Variants in GOSR1 observed in about 807,000 individuals in gnomAD.
GOSR1 encodes 28 kDa Golgi SNARE protein.
Under a neutral mutation model 35.5 loss-of-function variants are expected in GOSR1, and 21 were observed. That is an observed-to-expected ratio of 0.59 (90% CI 0.42 to 0.85). The LOEUF (loss-of-function observed/expected upper bound fraction) is 0.85, where lower values mean the gene tolerates loss of function less well. Among genes scored for constraint, GOSR1 ranks in the 40% least tolerant of loss-of-function variants. GOSR1 has a pLI of 0.00. For missense variants in GOSR1, 285 were observed against 309.6 expected (o/e 0.92, Z 0.60); for synonymous variants, 94 against 106.6 (o/e 0.88, Z 0.73).
rs541174428 is a variant in GOSR1, at chr17:30,512,036, A to G, written c.539+1127A>G. Among the ~76,000 whole-genome samples, 3 of 152,360 alleles carry G rather than the reference A, an allele frequency of 2.0e-5. No individual in the cohort carries two copies. The South Asian group carries it at 6.2e-4, about 32-fold the overall frequency. Reference sequence around the variant, plus strand: ...TCAGATCCTGATTCAGTCTTAGTCCAACTCTAGAAACAGAGCTCTATTTAA... The same window carrying G: ...TCAGATCCTGATTCAGTCTTAGTCCGACTCTAGAAACAGAGCTCTATTTAA... On this transcript the variant is annotated intron_variant, in intron 7 of 8. Coordinates refer to ENST00000451249, the MANE Select transcript of GOSR1 (RefSeq NM_001007025.2).
At chr17:30,499,563 G>A (rs1393411002) in intron 6 of GOSR1, among the ~76,000 whole-genome samples, 2 of 152,136 alleles carry the variant, frequency 1.3e-5, no homozygotes, top group Admixed American at 1.3e-4. Flanking sequence ...GGATGGTCTT[G>A]ATCTCCTGAC....
chr17:30,500,488 T>C (rs1314709621), intron 6 of GOSR1, among the ~76,000 whole-genome samples: 1 of 152,252 alleles, frequency 6.6e-6, no homozygotes, highest in Admixed American at 6.5e-5. Flanking sequence ...AAAGACTCTT[T>C]TCCTCTGTTT....
intron 7 of GOSR1, among the ~76,000 whole-genome samples, chr17:30,518,071 A>G (rs1164612747): frequency 6.6e-6 from 1 of 152,164 alleles, no homozygotes; most frequent in Non-Finnish European, 1.5e-5. Context: ...GGCTGCATGT[A>G]GCAGTCCTTT....
intron 7 of GOSR1, among the ~76,000 whole-genome samples, chr17:30,514,745 T>C (rs752089267): frequency 3.3e-5 from 5 of 152,214 alleles, no homozygotes; most frequent in Non-Finnish European, 7.3e-5. Flanking sequence ...AGGTTATGTG[T>C]TGGGCCTTCT....
chr17:30,484,135 T>C, intron 2 of GOSR1, 79 bp from the exon 3 acceptor site: 1 of 780,674 alleles, frequency 1.3e-6, no homozygotes, highest in Non-Finnish European at 2.3e-6. Context: ...ATGGCTCCTA[T>C]TAATCACCTT....
intron 6 of GOSR1, among the ~76,000 whole-genome samples, chr17:30,505,606 A>G (rs1433411999): frequency 1.3e-5 from 2 of 152,120 alleles, no homozygotes; most frequent in African/African-American, 4.8e-5. Context: ...AGTATTTTAG[A>G]TGTTTTCATT....
chr17:30,480,666 C>G (rs575381714), intron 1 of GOSR1, among the ~76,000 whole-genome samples: 2 of 150,954 alleles, frequency 1.3e-5, no homozygotes, highest in African/African-American at 4.9e-5. Context: ...TTATAAGTGA[C>G]TAATCTGCTT....
chr17:30,522,010 T>C (rs547136160), intron 8 of GOSR1, among the ~76,000 whole-genome samples: 1 of 152,146 alleles, frequency 6.6e-6, no homozygotes, highest in African/African-American at 2.4e-5. Context: ...TCCCTCTCTC[T>C]CTATTACTAT....
chr17:30,511,729 T>C (rs1181028165), intron 7 of GOSR1, among the ~76,000 whole-genome samples: 1 of 151,980 alleles, frequency 6.6e-6, no homozygotes, highest in East Asian at 1.9e-4. Context: ...CAGGGTTTCA[T>C]CATGTTGGCC....
At chr17:30,522,083 G>A (rs1040592960) in intron 8 of GOSR1, among the ~76,000 whole-genome samples, 171 bp from the exon 9 acceptor site, 20 of 152,202 alleles carry the variant, frequency 1.3e-4, no homozygotes, top group Non-Finnish European at 2.9e-4. Flanking sequence ...GAGCCGCAGC[G>A]CGTTCCCGGT....
In GOSR1 at chr17:30,522,972, CGCCT is replaced by C. The variant is rs1394510191; in HGVS notation, c.*596_*599del. ...CTGCAATTGCAGGCGAGCGCCGCCA[CGCCT>C]GACTGCCTCGGCCTCCCGAGGTGCC... On this transcript the variant is annotated 3_prime_UTR_variant, in exon 9 of 9. Transcript: ENST00000451249. 1.5e-4 allele frequency: 31 copies of C among 211,342 alleles called. No individual in the cohort carries two copies. The highest frequency in any genetic ancestry group is 3.6e-4 in the Admixed American group (6 of 16,452). 13.1% of individuals were successfully genotyped at this position (211,342 alleles called of 1,614,324 possible).
rs1232467115 is a variant in GOSR1, at chr17:30,524,918, T to A, written c.*2540T>A. 2.0e-5 allele frequency: 3 copies of A among 152,234 alleles called. No homozygotes were observed. Among genetic ancestry groups the A allele is most frequent in the Non-Finnish European group, 4.4e-5 (3 of 68,044 alleles). The allele number at this position is 152,234 out of a possible 1,614,324, so 9.4% of individuals were successfully genotyped here. A position where few individuals can be genotyped will look rare whatever the true frequency, so the allele number is the denominator to read the frequency against. On this transcript the variant is annotated 3_prime_UTR_variant, in exon 9 of 9. Transcript: ENST00000451249. ...GAATGGTTTCACTGTTGAGGGTGCATGTGGCAGAATCTGTCTCTCTCTGCA... is the reference window on the plus strand; with the variant it reads ...GAATGGTTTCACTGTTGAGGGTGCAAGTGGCAGAATCTGTCTCTCTCTGCA...
At chr17:30,484,394 AATT>A in intron 3 of GOSR1, 93 bp downstream of exon 3, 4 of 819,658 alleles carry the variant, frequency 4.9e-6, no homozygotes, top group Non-Finnish European at 8.7e-6. Flanking sequence ...TGTTTATTGA[AATT>A]ATCCATTCCA....
intron 4 of GOSR1, among the ~76,000 whole-genome samples, chr17:30,488,973 A>G (rs1597766648): frequency 6.6e-6 from 1 of 152,214 alleles, no homozygotes; most frequent in Non-Finnish European, 1.5e-5. Flanking sequence ...CTTTTTCCTA[A>G]TATGGAAAGA....
rs370736848 is a variant in GOSR1, at chr17:30,516,469, C to CAAAAAAAAAAA, written c.540-3467_540-3466insAAAAAAAAAAA. Among the ~76,000 whole-genome samples, 3 of 111,226 alleles carry CAAAAAAAAAAA rather than the reference C, an allele frequency of 2.7e-5. 1 individual carries two copies. The highest frequency in any genetic ancestry group is 5.3e-5 in the Non-Finnish European group (3 of 56,946). The allele number at this position is 111,226 out of a possible 152,430, so 73.0% of individuals were successfully genotyped here. ...TGGGTGACAGAGCAAGACTCCGTCTCAAACAAAAAAAAAGAAAAAGAAAAA... is the reference window on the plus strand; with the variant it reads ...TGGGTGACAGAGCAAGACTCCGTCTCAAAAAAAAAAAAAACAAAAAAAAAGAAAAAGAAAAA... On this transcript the variant is annotated intron_variant, in intron 7 of 8. Transcript: ENST00000451249.
At chr17:30,519,876 G>C in intron 7 of GOSR1, 63 bp from the exon 8 acceptor site, 2 of 960,092 alleles carry the variant, frequency 2.1e-6, no homozygotes, top group Non-Finnish European at 1.7e-6. Flanking sequence ...ACTTTTAAAG[G>C]CATGATGGTT....
intron 1 of GOSR1, 178 bp downstream of exon 1, chr17:30,477,642 G>C (rs1275837001): frequency 5.1e-6 from 5 of 984,748 alleles, no homozygotes; most frequent in Non-Finnish European, 6.0e-6. Context: ...TCTGGGGTAG[G>C]GGTCTGGCCT....
At chr17:30,492,053 T>C (rs1373998719) in intron 5 of GOSR1, among the ~76,000 whole-genome samples, 1 of 151,968 alleles carries the variant, frequency 6.6e-6, no homozygotes, top group African/African-American at 2.4e-5. Flanking sequence ...CCAGTCTGGG[T>C]AACAAAGTAA....
At chr17:30,513,552 A>C (rs1440932436) in intron 7 of GOSR1, among the ~76,000 whole-genome samples, 1 of 152,202 alleles carries the variant, frequency 6.6e-6, no homozygotes, top group Non-Finnish European at 1.5e-5. Flanking sequence ...TATGATGATG[A>C]TATCTATTCC....
Sources: allele counts gnomAD v4.1 joint callset (sites outside exome capture counted in the v4.1 genomes callset), GRCh38; gene constraint gnomAD v4.1.1; transcripts MANE v1.5; gene names NCBI Gene and HGNC (gene_info 2026-07-23, HGNC 2026-07-21).